The following MAST4 variants were observed in gnomAD, a reference collection of about 807,000 sequenced individuals.
MAST4 encodes the protein microtubule-associated serine/threonine-protein kinase 4.
A neutral mutation model predicts 162.7 loss-of-function variants in MAST4; 89 were observed. That is an observed-to-expected ratio of 0.55 (90% CI 0.46 to 0.65). The LOEUF is 0.65. Ranked by LOEUF, MAST4 falls within the 30% of genes least tolerant of loss-of-function variation. The pLI, the probability that MAST4 is intolerant of heterozygous loss-of-function variation, is 0.00. For synonymous variants in MAST4, 1,479 were observed against 1,361.1 expected (o/e 1.09, Z -1.91); for missense variants, 3,153 against 3,374.0 (o/e 0.93, Z 1.62).
intron 4 of MAST4, among the ~76,000 whole-genome samples, chr5:67,007,705 C>T (rs748646578): frequency 3.5e-4 from 53 of 152,118 alleles, no homozygotes; most frequent in Non-Finnish European, 5.4e-4. Context: ...TACCTTAAAC[C>T]TTTATTATGG....
chr5:66,789,988 ATTTTTTTT>A lies in MAST4; in HGVS notation c.642+1217_642+1224del, dbSNP rs57743987. 3.6e-3 allele frequency among the ~76,000 whole-genome samples: 187 copies of A among 52,478 alleles called. 2 individuals are homozygous for A. Among genetic ancestry groups the A allele is most frequent in the African/African-American group, 0.02 (172 of 8,754 alleles). The allele number at this position is 52,478 out of a possible 152,430, so 34.4% of individuals were successfully genotyped here. On this transcript the variant is annotated intron_variant, in intron 3 of 28. Transcript: ENST00000403625. ...CTTTATGTTTAACATGCTTATTAGA[ATTTTTTTT>A]TTTTTTTTTTTTTTTTTTTTTTGCT...
intron 23 of MAST4, among the ~76,000 whole-genome samples, chr5:67,145,910 C>G (rs552095914): frequency 1.1e-4 from 16 of 152,184 alleles, no homozygotes; most frequent in South Asian, 2.1e-4. Flanking sequence ...TATGTTGTAC[C>G]AAGTAATTTC....
At chr5:67,050,233 T>A (rs938739959) in intron 4 of MAST4, among the ~76,000 whole-genome samples, 2 of 152,226 alleles carry the variant, frequency 1.3e-5, no homozygotes, top group Non-Finnish European at 2.9e-5. Context: ...CTTGTGAAAC[T>A]GTTTTCGCGA....
At chr5:66,756,490 T>C (rs1016823962) in intron 1 of MAST4, among the ~76,000 whole-genome samples, 1 of 152,204 alleles carries the variant, frequency 6.6e-6, no homozygotes, top group African/African-American at 2.4e-5. Flanking sequence ...AGCCTCTGTC[T>C]TTAGTTCAAC....
In MAST4 at chr5:67,145,320, C is replaced by G; in HGVS notation, c.3035C>G (p.Ala1012Gly). The G allele has an allele frequency of 1.9e-6, 3 of 1,613,682 alleles. No individual in the cohort carries two copies. The highest frequency in any genetic ancestry group is 1.7e-5 in the Admixed American group (1 of 60,026). The change falls in exon 23 of 29, where the codon GCC becomes GGC. Residue 1012 changes from alanine (A) to glycine (G), a missense_variant. Ala to Gly is a moderately conservative substitution (Grantham distance 60). Around this residue, in one of 7 missense-constraint regions of MAST4, gnomAD observed 619 missense variants for 744.2 expected, o/e 0.83. Coordinates refer to ENST00000403625, the MANE Select transcript of MAST4 (RefSeq NM_001164664.2). ...CCAGCCCTTCCTCCTGAAGAGTGTGCCCAGGAGGAGCCTGAGGTCACCACC... is the reference window on the plus strand; with the variant it reads ...CCAGCCCTTCCTCCTGAAGAGTGTGGCCAGGAGGAGCCTGAGGTCACCACC... ...GKPALPPEEC[A>G]QEEPEVTTPA...
intron 1 of MAST4, among the ~76,000 whole-genome samples, chr5:66,680,704 G>A (rs536691166): frequency 2.0e-4 from 31 of 152,178 alleles, no homozygotes; most frequent in African/African-American, 6.0e-4. Flanking sequence ...GCTGAAGCAC[G>A]GGGAGAGGTT....
At chr5:67,117,472 A>G (rs980332355) in intron 12 of MAST4, among the ~76,000 whole-genome samples, 1 of 152,144 alleles carries the variant, frequency 6.6e-6, no homozygotes, top group Non-Finnish European at 1.5e-5. Context: ...TATCACATTT[A>G]TAAGAACATG....
At chr5:66,820,299 A>G (rs185354131) in intron 3 of MAST4, among the ~76,000 whole-genome samples, 104 of 152,372 alleles carry the variant, frequency 6.8e-4, no homozygotes, top group African/African-American at 2.0e-3. Context: ...TCAGAAGCTC[A>G]TAAAATACTT....
chr5:67,116,858 A>C (rs1476743908), intron 12 of MAST4, among the ~76,000 whole-genome samples: 3 of 152,082 alleles, frequency 2.0e-5, no homozygotes, highest in African/African-American at 7.2e-5. Context: ...ATTGTTCTAC[A>C]TTTGTTTCCC....
chr5:66,984,875 G>GC (rs1166650380), intron 4 of MAST4, among the ~76,000 whole-genome samples: 3 of 152,174 alleles, frequency 2.0e-5, no homozygotes, highest in African/African-American at 7.2e-5. Context: ...ACTTGAGAGG[G>GC]CGGGGAGCAG....
chr5:67,081,893 T>A (rs1762695758), intron 5 of MAST4, among the ~76,000 whole-genome samples: 2 of 152,174 alleles, frequency 1.3e-5, no homozygotes. Context: ...AGAAAGTGCC[T>A]GGGATTAATC....
At position 67,134,529 on chromosome 5, in the gene MAST4, G is replaced by A; in HGVS notation, c.2233G>A (p.Gly745Ser). The A allele has an allele frequency of 6.2e-7, 1 of 1,611,800 alleles. No individual in the cohort carries two copies. Among genetic ancestry groups the A allele is most frequent in the Non-Finnish European group, 8.5e-7 (1 of 1,178,732 alleles). The change falls in exon 18 of 29, where the codon GGC (glycine) becomes AGC (serine). Residue 745 changes from glycine to serine, a missense_variant. Around this residue, in one of 7 missense-constraint regions of MAST4, gnomAD observed 131 missense variants for 253.8 expected, o/e 0.52. Coordinates refer to ENST00000403625, the MANE Select transcript of MAST4 (RefSeq NM_001164664.2). ...AREFLDKQVC[G>S]TPEYIAPEVI... ...TATTGCAATTATCTTTTAGGTCTGTGGCACACCTGAATACATTGCACCAGA... is the reference window on the plus strand; with the variant it reads ...TATTGCAATTATCTTTTAGGTCTGTAGCACACCTGAATACATTGCACCAGA...
intron 1 of MAST4, among the ~76,000 whole-genome samples, chr5:66,724,491 A>G (rs1751399721): frequency 6.6e-6 from 1 of 152,056 alleles, no homozygotes; most frequent in Admixed American, 6.6e-5. Context: ...GAAATGTGAG[A>G]CCTTTTCAAA....
intron 1 of MAST4, 65 bp from the exon 2 acceptor site, chr5:66,759,640 ATGAT>A: frequency 1.3e-6 from 2 of 1,539,612 alleles, no homozygotes; most frequent in Non-Finnish European, 1.8e-6. Context: ...AAAAGTGTGA[ATGAT>A]TGGTCTTTCA....
chr5:66,687,771 T>A (rs1047018620), intron 1 of MAST4, among the ~76,000 whole-genome samples: 16 of 152,108 alleles, frequency 1.1e-4, no homozygotes, highest in Admixed American at 9.8e-4. Context: ...GTGATAAACG[T>A]AACAGACCAG....
intron 2 of MAST4, among the ~76,000 whole-genome samples, chr5:66,784,438 G>T (rs1463186691): frequency 6.6e-6 from 1 of 152,052 alleles, no homozygotes; most frequent in Admixed American, 6.6e-5. Context: ...AAAGCCACAA[G>T]TCAAAAACTT....
chr5:66,970,578 A>G (rs1400239628), intron 4 of MAST4, among the ~76,000 whole-genome samples: 1 of 152,114 alleles, frequency 6.6e-6, no homozygotes, highest in African/African-American at 2.4e-5. Flanking sequence ...TTCCAGGGCC[A>G]TGTTGTTTGT....
Position 67,136,653 on chromosome 5 carries a change from G to A in MAST4, c.2483G>A (p.Arg828Lys), listed in dbSNP as rs1362888192. The A allele has an allele frequency of 1.9e-6, 3 of 1,597,510 alleles. No individual in the cohort carries two copies. Among genetic ancestry groups the A allele is most frequent in the Non-Finnish European group, 2.6e-6 (3 of 1,171,490 alleles). ...TLLLRQNPLE[R>K]LGTGGAYEVK... ...CTCCTCAGGCAGAATCCCCTGGAGAGGCTGGGAACAGGTTAGAGCCCATGT... is the reference window on the plus strand; with the variant it reads ...CTCCTCAGGCAGAATCCCCTGGAGAAGCTGGGAACAGGTTAGAGCCCATGT... The change falls in exon 19 of 29, where the codon AGG (arginine) becomes AAG (lysine). Residue 828 changes from arginine to lysine, a missense_variant. Physicochemically the swap from Arg to Lys is conservative, Grantham distance 26. Coordinates refer to ENST00000403625, the MANE Select transcript of MAST4 (RefSeq NM_001164664.2).
At chr5:66,731,050 A>G (rs1030148250) in intron 1 of MAST4, among the ~76,000 whole-genome samples, 3 of 152,194 alleles carry the variant, frequency 2.0e-5, no homozygotes, top group Non-Finnish European at 2.9e-5. Context: ...CTAGTTATAC[A>G]TACTATATAA....
Sources: gnomAD v4.1 joint callset for allele counts (sites outside exome capture counted in the v4.1 genomes callset) on GRCh38, gnomAD v4.1.1 for gene constraint, gnomAD v4.1.1 regional missense constraint, MANE v1.5 for transcripts, NCBI Gene and HGNC (gene_info 2026-07-23, HGNC 2026-07-21) for gene names.